MYO3B: variants seen among roughly 807,000 people sequenced by gnomAD.
MYO3B encodes the protein myosin IIIB.
MYO3B carries 156 observed loss-of-function variants against 174.6 expected under a neutral mutation model. The ratio of observed to expected loss-of-function variants is 0.89; its 90% CI spans 0.78 to 1.02. MYO3B has a LOEUF of 1.02. Among genes scored for constraint, MYO3B ranks in the 50% least tolerant of loss-of-function variants. The pLI, the probability that MYO3B is intolerant of heterozygous loss-of-function variation, is 0.00. For missense variants in MYO3B, 1,632 were observed against 1,639.4 expected, an observed-to-expected ratio of 1.00 and a Z score of 0.08; for synonymous variants, 563 against 569.1, an observed-to-expected ratio of 0.99 and a Z score of 0.15.
At chr2:170,216,879 G>A (rs1303755690) in intron 5 of MYO3B, among the ~76,000 whole-genome samples, 1 of 102,260 alleles carries the variant, frequency 9.8e-6, no homozygotes, top group Non-Finnish European at 1.9e-5. Flanking sequence ...AGACAGGGAT[G>A]TCCATTAGGG....
intron 32 of MYO3B, among the ~76,000 whole-genome samples, chr2:170,560,849 T>C (rs1691662844): frequency 6.6e-6 from 1 of 152,228 alleles, no homozygotes; most frequent in South Asian, 2.1e-4. Context: ...GTTTCCATGC[T>C]AACTCATTAG....
At chr2:170,394,209 G>A (rs2094431598) in intron 16 of MYO3B, among the ~76,000 whole-genome samples, 1 of 152,124 alleles carries the variant, frequency 6.6e-6, no homozygotes, top group South Asian at 2.1e-4. Flanking sequence ...CTAAACATGT[G>A]GGAGTTATTT....
intron 17 of MYO3B, 149 bp downstream of exon 17, chr2:170,400,463 T>G: frequency 3.0e-6 from 3 of 986,544 alleles, no homozygotes; most frequent in Non-Finnish European, 4.4e-6. Context: ...TGGAGTCCAG[T>G]GGTGCAATCT....
intron 22 of MYO3B, among the ~76,000 whole-genome samples, chr2:170,437,423 A>G (rs534252689): frequency 1.1e-4 from 16 of 151,938 alleles, no homozygotes; most frequent in Admixed American, 2.0e-4. Context: ...GTTTTTTCTG[A>G]CCTTCTCCTA....
At chr2:170,401,782 C>A in intron 18 of MYO3B, 91 bp downstream of exon 18, 5 of 1,010,056 alleles carry the variant, frequency 5.0e-6, no homozygotes, top group Non-Finnish European at 7.1e-6. Flanking sequence ...TTGGTCCTCT[C>A]TGGGATTTTC....
intron 4 of MYO3B, 29 bp from the exon 5 acceptor site, chr2:170,214,697 CTGT>C: frequency 6.3e-7 from 1 of 1,580,210 alleles, no homozygotes; most frequent in Non-Finnish European, 8.7e-7. Flanking sequence ...TTTCTCTTTC[CTGT>C]TGTTTGGTGG....
chr2:170,585,523 A>C (rs77589408), intron 32 of MYO3B, among the ~76,000 whole-genome samples: 6,023 of 152,126 alleles, frequency 0.04, 182 homozygotes, highest in Non-Finnish European at 0.062. Flanking sequence ...TCAATTTTTT[A>C]CACCTTTTTG....
intron 34 of MYO3B, among the ~76,000 whole-genome samples, 156 bp downstream of exon 34, chr2:170,652,310 A>T (rs1324725842): frequency 6.6e-6 from 1 of 152,218 alleles, no homozygotes; most frequent in Non-Finnish European, 1.5e-5. Flanking sequence ...TCACAGTAGC[A>T]AGTATACAAA....
intron 6 of MYO3B, among the ~76,000 whole-genome samples, chr2:170,233,853 A>T (rs2093038583): frequency 6.6e-6 from 1 of 152,198 alleles, no homozygotes; most frequent in Non-Finnish European, 1.5e-5. Context: ...CTGCCATAAC[A>T]ATACCACAAA....
At chr2:170,481,892 G>A (rs1299539972) in intron 25 of MYO3B, among the ~76,000 whole-genome samples, 1 of 152,144 alleles carries the variant, frequency 6.6e-6, no homozygotes, top group Non-Finnish European at 1.5e-5. Context: ...GGTAGTTTAT[G>A]TATTAGAGTA....
In MYO3B at chr2:170,598,728, G is replaced by T. The variant is rs111254295; in HGVS notation, c.3734-52900G>T. Among the ~76,000 whole-genome samples the T allele has an allele frequency of 5.6e-3, 853 of 152,248 alleles. 12 individuals are homozygous for T. The highest frequency in any genetic ancestry group is 0.02 in the African/African-American group (827 of 41,530). ...ACATGGCCCAAATTTGTATGAACAA[G>T]CCATTTCCTAGTTATGTGAACTTGG... On this transcript the variant is annotated intron_variant, in intron 32 of 34. Coordinates refer to ENST00000408978, the MANE Select transcript of MYO3B (RefSeq NM_138995.5).
At chr2:170,462,651 A>G (rs1684364657) in intron 23 of MYO3B, among the ~76,000 whole-genome samples, 1 of 152,268 alleles carries the variant, frequency 6.6e-6, no homozygotes, top group Non-Finnish European at 1.5e-5. Context: ...GGAAGCTGCC[A>G]CGGCAAGGCC....
At chr2:170,547,644 GGTT>G (rs1431494473) in intron 32 of MYO3B, among the ~76,000 whole-genome samples, 3 of 152,188 alleles carry the variant, frequency 2.0e-5, no homozygotes, top group African/African-American at 7.2e-5. Flanking sequence ...GTTTTTGGTT[GGTT>G]GTTTTCCATT....
intron 1 of MYO3B, among the ~76,000 whole-genome samples, chr2:170,198,780 C>T (rs1192015711): frequency 6.6e-6 from 1 of 152,084 alleles, no homozygotes; most frequent in Admixed American, 6.6e-5. Context: ...GGATTAGCTC[C>T]CAGTGTCTAT....
chr2:170,639,124 A>T (rs1454194378), intron 32 of MYO3B, among the ~76,000 whole-genome samples: 1 of 152,162 alleles, frequency 6.6e-6, no homozygotes, highest in Non-Finnish European at 1.5e-5. Context: ...CAAGCACTTA[A>T]AATGTCGTTC....
intron 32 of MYO3B, among the ~76,000 whole-genome samples, chr2:170,596,356 G>A (rs530215927): frequency 5.3e-4 from 81 of 152,280 alleles, no homozygotes; most frequent in Non-Finnish European, 2.9e-4. Flanking sequence ...GGACTGGTCC[G>A]TGAGTCCCTT....
chr2:170,647,041 C>A lies in MYO3B; in HGVS notation c.3734-4587C>A, dbSNP rs985056908. The A allele has an allele frequency of 5.2e-6, 3 of 576,608 alleles. No homozygotes were observed. In the Admixed American group the frequency reaches 8.3e-5, roughly 16 times the overall value. 35.7% of individuals were successfully genotyped at this position (576,608 alleles called of 1,614,324 possible). ...AACGTTTTACTTTAATATAATTAAA[C>A]GCATGCATGTCACTAACGTCTTCTT... On this transcript the variant is annotated intron_variant, in intron 32 of 34. Transcript: ENST00000408978.
At chr2:170,299,003 T>A (rs1340474956) in intron 7 of MYO3B, among the ~76,000 whole-genome samples, 2 of 152,254 alleles carry the variant, frequency 1.3e-5, no homozygotes, top group South Asian at 2.1e-4. Context: ...AGCCTAGGTG[T>A]GTGGTAGGCT....
intron 7 of MYO3B, among the ~76,000 whole-genome samples, chr2:170,238,497 A>T (rs2093096244): frequency 6.6e-6 from 1 of 152,154 alleles, no homozygotes; most frequent in Non-Finnish European, 1.5e-5. Flanking sequence ...AGTGCTTTGG[A>T]ATTCTTGTCA....
Sources: gnomAD v4.1 joint callset for allele counts (sites outside exome capture counted in the v4.1 genomes callset) on GRCh38, gnomAD v4.1.1 for gene constraint, MANE v1.5 for transcripts, NCBI Gene and HGNC (gene_info 2026-07-23, HGNC 2026-07-21) for gene names.